Variants in INPP5F observed in about 807,000 individuals in gnomAD.
The protein encoded by INPP5F is inositol polyphosphate-5-phosphatase F.
Under a neutral mutation model 137.2 loss-of-function variants are expected in INPP5F, and 97 were observed. The observed-to-expected ratio is 0.71, with a 90% confidence interval of 0.60 to 0.84. The LOEUF is 0.84. Among genes scored for constraint, INPP5F ranks in the 40% least tolerant of loss-of-function variants. The probability of loss-of-function intolerance (pLI) is 0.00; values close to 1 mark genes in which losing one functional copy is unlikely to be tolerated. For missense variants in INPP5F, 1,271 were observed against 1,371.9 expected, an observed-to-expected ratio of 0.93 and a Z score of 1.16; for synonymous variants, 504 against 476.9, an observed-to-expected ratio of 1.06 and a Z score of -0.74.
At chr10:119,792,597 G>A (rs534473840) in intron 6 of INPP5F, among the ~76,000 whole-genome samples, 48 of 132,070 alleles carry the variant, frequency 3.6e-4, no homozygotes, top group Admixed American at 2.8e-3. Flanking sequence ...TTTAACCTTC[G>A]CCGGACTTCT....
At position 119,828,059 on chromosome 10, in the gene INPP5F, C is replaced by A. The variant is rs1221587618; in HGVS notation, c.*279C>A. On this transcript the variant is annotated 3_prime_UTR_variant, in exon 20 of 20. Coordinates refer to ENST00000650623, the MANE Select transcript of INPP5F (RefSeq NM_014937.4). ...GCAACAGGTCACTTTGGGATATAAC[C>A]TGAACCTTTTTTTGGAGTGGGGTGG... is the stretch of plus-strand genomic sequence containing the variant. 3.6e-6 allele frequency: 1 copy of A among 280,842 alleles called. No homozygotes were observed. Among genetic ancestry groups the A allele is most frequent in the Non-Finnish European group, 6.7e-6 (1 of 148,730 alleles). 17.4% of individuals were successfully genotyped at this position (280,842 alleles called of 1,614,324 possible).
At chr10:119,800,555 CA>C (rs200774789) in intron 9 of INPP5F, among the ~76,000 whole-genome samples, 19 of 103,436 alleles carry the variant, frequency 1.8e-4, no homozygotes, top group Admixed American at 3.1e-4. Context: ...GATTCCATCT[CA>C]AAAAAAAAAA....
At chr10:119,784,393 A>T (rs2134186735) in intron 3 of INPP5F, among the ~76,000 whole-genome samples, 1 of 152,214 alleles carries the variant, frequency 6.6e-6, no homozygotes, top group Admixed American at 6.5e-5. Flanking sequence ...ATTTCCCTCT[A>T]GTCTTATTAT....
chr10:119,743,876 G>A (rs1196013276), intron 1 of INPP5F, among the ~76,000 whole-genome samples: 3 of 152,052 alleles, frequency 2.0e-5, no homozygotes, highest in Non-Finnish European at 4.4e-5. Context: ...CAGTTATTAC[G>A]TCCTGATAAG....
chr10:119,740,043 C>A (rs983215688), intron 1 of INPP5F, among the ~76,000 whole-genome samples: 8 of 151,578 alleles, frequency 5.3e-5, no homozygotes, highest in African/African-American at 1.9e-4. Context: ...AATTTTTTTC[C>A]CCCTATTTTC....
intron 8 of INPP5F, among the ~76,000 whole-genome samples, chr10:119,798,028 G>T (rs1242444581): frequency 7.1e-6 from 1 of 141,568 alleles, no homozygotes. Context: ...ATATTTTTCT[G>T]TGAAAGTTTT....
Position 119,823,247 on chromosome 10 carries a change from T to G in INPP5F, c.2161+48T>G, listed in dbSNP as rs765020490. ...GTATTCAGTGAAAACTTTCTATTTA[T>G]TCTTAAAAGCCCAAATGGAATTGGG... On this transcript the variant is annotated intron_variant, in intron 18 of 19. Coordinates refer to ENST00000650623, the MANE Select transcript of INPP5F (RefSeq NM_014937.4). 1.9e-6 allele frequency: 3 copies of G among 1,582,464 alleles called. No individual in the cohort carries two copies. The Admixed American group carries it at 5.2e-5, about 27-fold the overall frequency.
intron 15 of INPP5F, 56 bp from the exon 16 acceptor site, chr10:119,820,790 G>A: frequency 7.1e-7 from 1 of 1,413,406 alleles, no homozygotes; most frequent in South Asian, 1.2e-5. Context: ...AATATGCTTG[G>A]CAAAAAATGC....
intron 9 of INPP5F, among the ~76,000 whole-genome samples, 176 bp downstream of exon 9, chr10:119,798,786 C>CTTTTTT (rs374141329): frequency 3.0e-5 from 3 of 100,704 alleles, no homozygotes; most frequent in South Asian, 4.1e-4. Context: ...GAGTCAGCTA[C>CTTTTTT]TTTTTTTTTT....
At chr10:119,739,441 G>A (rs966960700) in intron 1 of INPP5F, among the ~76,000 whole-genome samples, 3 of 152,110 alleles carry the variant, frequency 2.0e-5, no homozygotes, top group African/African-American at 4.8e-5. Context: ...CTTATTACAC[G>A]TCAATGAAAA....
At position 119,791,916 on chromosome 10, in the gene INPP5F, A is replaced by C; in HGVS notation, c.492A>C (p.Glu164Asp). ...AGAAGTTGGAGAGGAGATTACTTGA[A>C]GAGTTGCTGAAGATGTTCATGGACT... ...EKEKLERRLL[E>D]ELLKMFMDSE... Residue 164 changes from glutamate to aspartate, a missense_variant, in exon 5 of 20, where the codon GAA becomes GAC. Glu to Asp is a conservative substitution (Grantham distance 45, BLOSUM62 2). Transcript: ENST00000650623. The C allele has an allele frequency of 6.2e-7, 1 of 1,613,252 alleles. No individual in the cohort carries two copies. Among genetic ancestry groups the C allele is most frequent in the Non-Finnish European group, 8.5e-7 (1 of 1,179,350 alleles).
chr10:119,778,855 G>C (rs1285356755), intron 2 of INPP5F, among the ~76,000 whole-genome samples: 1 of 152,078 alleles, frequency 6.6e-6, no homozygotes, highest in African/African-American at 2.4e-5. Flanking sequence ...GCAGTTTGAG[G>C]TTCTCCCACA....
chr10:119,814,430 A>G (rs1410148623), intron 15 of INPP5F: 3 of 152,214 alleles, frequency 2.0e-5, no homozygotes, highest in Non-Finnish European at 2.9e-5. Context: ...AAAGTTCCCA[A>G]TGAAGAATAA....
At chr10:119,766,603 A>G (rs1327941551) in intron 2 of INPP5F, among the ~76,000 whole-genome samples, 1 of 152,224 alleles carries the variant, frequency 6.6e-6, no homozygotes, top group East Asian at 1.9e-4. Context: ...GACAAAGAGG[A>G]TATCCTAAAA....
At chr10:119,800,869 G>A (rs908650666) in intron 9 of INPP5F, among the ~76,000 whole-genome samples, 1 of 149,062 alleles carries the variant, frequency 6.7e-6, no homozygotes, top group Non-Finnish European at 1.5e-5. Context: ...AGAATCACTT[G>A]AGCCCAGGAA....
At position 119,751,165 on chromosome 10, in the gene INPP5F, C is replaced by G; in HGVS notation, c.178+9C>G. The G allele has an allele frequency of 6.6e-7, 1 of 1,508,862 alleles. No individual in the cohort carries two copies. The highest frequency in any genetic ancestry group is 9.2e-7 in the Non-Finnish European group (1 of 1,084,104). 93.5% of individuals were successfully genotyped at this position (1,508,862 alleles called of 1,614,324 possible). ...AATTCAACTTCATTCAGGTATGTTT[C>G]TATAAACTCCTTAAACTTGTCAAAT... is the stretch of plus-strand genomic sequence containing the variant. On this transcript the variant is annotated intron_variant, in intron 2 of 19. Coordinates refer to ENST00000650623, the MANE Select transcript of INPP5F (RefSeq NM_014937.4).
chr10:119,785,578 G>T (rs958247014), intron 3 of INPP5F, among the ~76,000 whole-genome samples: 1 of 151,062 alleles, frequency 6.6e-6, no homozygotes, highest in African/African-American at 2.5e-5. Context: ...GAGAGAGAGA[G>T]ACTGAGACTG....
Position 119,798,571 on chromosome 10 carries a change from T to C in INPP5F, c.1077T>C (p.Cys359=). 1 of 1,612,734 alleles carries C rather than the reference T, an allele frequency of 6.2e-7. No homozygotes were observed. Among genetic ancestry groups the C allele is most frequent in the Non-Finnish European group, 8.5e-7 (1 of 1,179,336 alleles). The change falls in exon 9 of 20, where the codon TGT becomes TGC. Residue 359 remains cysteine, a synonymous_variant. Coordinates refer to ENST00000650623, the MANE Select transcript of INPP5F (RefSeq NM_014937.4). ...AAAAGGAAACTGTTGCCTATTTCTGTGCCCATTTCGAAGAACAACTGAACA... is the reference window on the plus strand; with the variant it reads ...AAAAGGAAACTGTTGCCTATTTCTGCGCCCATTTCGAAGAACAACTGAACA... The part of the protein sequence containing the change: ...RSEKETVAYF[C]AHFEEQLNIY...
At chr10:119,741,383 C>T (rs1287098053) in intron 1 of INPP5F, among the ~76,000 whole-genome samples, 2 of 152,186 alleles carry the variant, frequency 1.3e-5, no homozygotes, top group Non-Finnish European at 2.9e-5. Context: ...TCTTCAGCCT[C>T]ATTCTTCCTG....
Sources: allele counts gnomAD v4.1 joint callset (sites outside exome capture counted in the v4.1 genomes callset), GRCh38; gene constraint gnomAD v4.1.1; transcripts MANE v1.5; gene names NCBI Gene and HGNC (gene_info 2026-07-23, HGNC 2026-07-21).